The following SMARCB1 variants were observed in gnomAD, a reference collection of about 807,000 sequenced individuals.
The protein encoded by SMARCB1 is SWI/SNF-related matrix-associated actin-dependent regulator of chromatin subfamily B member 1.
SMARCB1 carries 5 observed loss-of-function variants against 49.0 expected under a neutral mutation model. That is an observed-to-expected ratio of 0.10 (90% CI 0.05 to 0.21). SMARCB1 has a LOEUF of 0.21. SMARCB1 is among the 10% of genes least tolerant of loss of function. SMARCB1 has a pLI of 1.00. For missense variants in SMARCB1, 226 were observed against 509.2 expected, an observed-to-expected ratio of 0.44 and a Z score of 5.35; for synonymous variants, 201 against 200.1, an observed-to-expected ratio of 1.00 and a Z score of -0.04.
chr22:23,817,014 C>T, intron 6 of SMARCB1, 78 bp downstream of exon 6: 1 of 1,198,434 alleles, frequency 8.3e-7, no homozygotes, highest in South Asian at 1.2e-5. Flanking sequence ...GAGGGTACAC[C>T]AAGGCCTCAG....
intron 1 of SMARCB1, among the ~76,000 whole-genome samples, chr22:23,790,823 G>C (rs1189102666): frequency 6.6e-6 from 1 of 151,954 alleles, no homozygotes; most frequent in East Asian, 1.9e-4. Context: ...ATCGAGCCTG[G>C]GTGACAGAGC....
At chr22:23,810,641 C>T (rs1299657907) in intron 5 of SMARCB1, among the ~76,000 whole-genome samples, 1 of 151,554 alleles carries the variant, frequency 6.6e-6, no homozygotes, top group Non-Finnish European at 1.5e-5. Context: ...ATAAAATAGA[C>T]TTTCCTCTCC....
intron 1 of SMARCB1, among the ~76,000 whole-genome samples, chr22:23,790,919 A>C (rs34012654): frequency 0.035 from 5,324 of 152,286 alleles, 143 homozygotes; most frequent in East Asian, 0.12. Context: ...ATAAAATGGG[A>C]AACATAATAG....
intron 3 of SMARCB1, among the ~76,000 whole-genome samples, chr22:23,794,097 A>G (rs1928592166): frequency 6.6e-6 from 1 of 152,208 alleles, no homozygotes; most frequent in South Asian, 2.1e-4. Context: ...GGCATGCGCC[A>G]CCACGCCCAG....
intron 5 of SMARCB1, among the ~76,000 whole-genome samples, chr22:23,813,748 G>C (rs1930016406): frequency 6.6e-6 from 1 of 152,114 alleles, no homozygotes; most frequent in South Asian, 2.1e-4. Flanking sequence ...ATCCCAGCAA[G>C]ATTTTTTTTG....
intron 2 of SMARCB1, chr22:23,793,353 G>A (rs1472825606): frequency 1.5e-6 from 1 of 674,874 alleles, no homozygotes; most frequent in Non-Finnish European, 2.7e-6. Context: ...CAGTCCCATT[G>A]GAGGCTCTAC....
In SMARCB1 at chr22:23,791,857, A is replaced by G. The variant is rs748690005; in HGVS notation, c.195A>G (p.Ala65=). The change falls in exon 2 of 9, where the codon GCA becomes GCG. Residue 65 remains alanine, a synonymous_variant. Transcript: ENST00000644036. ...ATVEERKKIV[A]SSHGKKTKPN... The stretch of plus-strand genomic sequence containing the variant: ...TGGAAGAGAGGAAGAAAATAGTTGC[A>G]TCGTCACATGGTAAAAAAACAAAAC... 3 of 1,614,198 alleles carry G rather than the reference A, an allele frequency of 1.9e-6. No individual in the cohort carries two copies. The highest frequency in any genetic ancestry group is 2.2e-5 in the East Asian group (1 of 44,884).
At chr22:23,796,826 G>GT (rs1043649840) in intron 3 of SMARCB1, among the ~76,000 whole-genome samples, 11 of 152,100 alleles carry the variant, frequency 7.2e-5, no homozygotes, top group African/African-American at 2.4e-4. Flanking sequence ...AGTCTTTAGG[G>GT]GTGGGGGCTG....
chr22:23,836,684 A>G lies in SMARCB1; in HGVS notation c.*2504A>G. 2.3e-6 allele frequency: 3 copies of G among 1,302,068 alleles called. No homozygotes were observed. The highest frequency in any genetic ancestry group is 1.9e-6 in the Non-Finnish European group (2 of 1,031,954). 80.7% of individuals were successfully genotyped at this position (1,302,068 alleles called of 1,614,324 possible). The stretch of plus-strand genomic sequence containing the variant: ...CTGAGTGAGGACGGGGCAGGCATAG[A>G]AGGATGTGGCCAGGTGAGATGGGGA... On this transcript the variant is annotated 3_prime_UTR_variant, in exon 9 of 9. Transcript: ENST00000644036.
intron 7 of SMARCB1, among the ~76,000 whole-genome samples, chr22:23,829,577 C>T (rs1017323663): frequency 3.3e-5 from 5 of 152,170 alleles, no homozygotes; most frequent in African/African-American, 7.2e-5. Context: ...GTCAGGTACA[C>T]GTTGGGCTGG....
At chr22:23,806,706 G>C (rs1463826518) in intron 5 of SMARCB1, among the ~76,000 whole-genome samples, 1 of 152,118 alleles carries the variant, frequency 6.6e-6, no homozygotes, top group Non-Finnish European at 1.5e-5. Context: ...AAGATCACTT[G>C]AGGCCAGGAG....
chr22:23,787,705 T>G (rs1364375929), intron 1 of SMARCB1, among the ~76,000 whole-genome samples: 1 of 152,162 alleles, frequency 6.6e-6, no homozygotes, highest in Non-Finnish European at 1.5e-5. Flanking sequence ...AACCCTGGAC[T>G]TAGTGAGGGC....
At chr22:23,833,167 G>C (rs1404116640) in intron 7 of SMARCB1, among the ~76,000 whole-genome samples, 1 of 152,158 alleles carries the variant, frequency 6.6e-6, no homozygotes, top group Non-Finnish European at 1.5e-5. Flanking sequence ...AGTGGGCCCT[G>C]GCTCTGGACA....
At chr22:23,790,548 A>T (rs919274269) in intron 1 of SMARCB1, among the ~76,000 whole-genome samples, 1 of 151,460 alleles carries the variant, frequency 6.6e-6, no homozygotes, top group Non-Finnish European at 1.5e-5. Context: ...TTTTATTTTT[A>T]TTTTTTTTAA....
At chr22:23,792,371 T>C in intron 2 of SMARCB1, 1 of 311,450 alleles carries the variant, frequency 3.2e-6, no homozygotes, top group South Asian at 2.9e-5. Flanking sequence ...TGCATGTCCC[T>C]GCTCCTGGTG....
intron 7 of SMARCB1, among the ~76,000 whole-genome samples, chr22:23,830,682 T>G (rs1440528147): frequency 2.1e-5 from 2 of 95,238 alleles, no homozygotes; most frequent in South Asian, 3.0e-4. Flanking sequence ...TTTTTTTTTT[T>G]GAGACAGTCT....
rs572008402 is a variant in SMARCB1 at position 23,835,700 on chromosome 22, C to T, written c.*1520C>T. On this transcript the variant is annotated 3_prime_UTR_variant, in exon 9 of 9. Coordinates refer to ENST00000644036, the MANE Select transcript of SMARCB1 (RefSeq NM_003073.5). ...GCTGCTCTTAGACATGAACAGGTTT[C>T]ATTGCTGAGGTGTTTGTTCTGTCCA... The T allele has an allele frequency of 1.0e-6, 1 of 985,524 alleles. No homozygotes were observed. Among genetic ancestry groups the T allele is most frequent in the East Asian group, 1.1e-4 (1 of 8,822 alleles). The allele number at this position is 985,524 out of a possible 1,614,324, so 61.0% of individuals were successfully genotyped here. A position where few individuals can be genotyped will look rare whatever the true frequency, so the allele number is the denominator to read the frequency against.
intron 5 of SMARCB1, among the ~76,000 whole-genome samples, chr22:23,814,404 G>A (rs1243397066): frequency 5.9e-5 from 9 of 152,296 alleles, no homozygotes; most frequent in Admixed American, 2.0e-4. Flanking sequence ...AGTGGCTTAC[G>A]TCTGTAATCC....
Position 23,787,054 on chromosome 22 carries a change from C to G in SMARCB1, c.-116C>G. On this transcript the variant is annotated 5_prime_UTR_variant, in exon 1 of 9. Transcript: ENST00000644036. Reference sequence around the variant, plus strand: ...CCCGGCTGAGGCGCCAGTACCCGGCCCGGTCCGCATTTCGCCTTCCGGCTT... The same window carrying G: ...CCCGGCTGAGGCGCCAGTACCCGGCGCGGTCCGCATTTCGCCTTCCGGCTT... 1 of 693,796 alleles carries G rather than the reference C, an allele frequency of 1.4e-6. No individual in the cohort carries two copies. The highest frequency in any genetic ancestry group is 3.2e-5 in the East Asian group (1 of 31,636). The allele number at this position is 693,796 out of a possible 1,614,324, so 43.0% of individuals were successfully genotyped here.
Sources: gnomAD v4.1 joint callset for allele counts (sites outside exome capture counted in the v4.1 genomes callset) on GRCh38, gnomAD v4.1.1 for gene constraint, MANE v1.5 for transcripts, NCBI Gene and HGNC (gene_info 2026-07-23, HGNC 2026-07-21) for gene names.